The following ADAM12 variants were observed in gnomAD, a reference collection of about 807,000 sequenced individuals.
ADAM12 encodes disintegrin and metalloproteinase domain-containing protein 12.
ADAM12 carries 70 observed loss-of-function variants against 106.4 expected under a neutral mutation model. The ratio of observed to expected loss-of-function variants is 0.66; its 90% CI spans 0.54 to 0.80. ADAM12 has a LOEUF of 0.80. ADAM12 is among the 30% of genes least tolerant of loss of function. The probability of loss-of-function intolerance (pLI) is 0.00; values close to 1 mark genes in which losing one functional copy is unlikely to be tolerated. For missense variants in ADAM12, 1,010 were observed against 1,171.9 expected, an observed-to-expected ratio of 0.86 and a Z score of 2.02; for synonymous variants, 420 against 433.5, an observed-to-expected ratio of 0.97 and a Z score of 0.39.
At chr10:126,215,982 C>A (rs577488809) in intron 3 of ADAM12, among the ~76,000 whole-genome samples, 2 of 152,302 alleles carry the variant, frequency 1.3e-5, no homozygotes, top group African/African-American at 2.4e-5. Flanking sequence ...TAGCCATGAA[C>A]CCACCCCAGG....
intron 1 of ADAM12, among the ~76,000 whole-genome samples, chr10:126,361,650 G>A (rs1855750073): frequency 6.6e-6 from 1 of 152,134 alleles, no homozygotes; most frequent in African/African-American, 2.4e-5. Flanking sequence ...ACGGTCAATT[G>A]ATTTTTGACA....
rs1259441005 is a variant in ADAM12, at chr10:126,014,326, T to G, written c.*2953A>C. On this transcript the variant is annotated 3_prime_UTR_variant, in exon 23 of 23. Transcript: ENST00000448723. Reference sequence around the variant, plus strand: ...CAGTTTTAGCCGGTTTTTTTTTTTTTTTTTTTTTTTTGAGGATGCATTGAT... The same window carrying G: ...CAGTTTTAGCCGGTTTTTTTTTTTTGTTTTTTTTTTTGAGGATGCATTGAT... The G allele has an allele frequency of 2.7e-5, 4 of 147,708 alleles. No homozygotes were observed. The highest frequency in any genetic ancestry group is 7.5e-5 in the African/African-American group (3 of 39,834). The allele number at this position is 147,708 out of a possible 1,614,324, so 9.1% of individuals were successfully genotyped here. A position where few individuals can be genotyped will look rare whatever the true frequency, so the allele number is the denominator to read the frequency against.
chr10:126,338,505 GC>G (rs1222393703), intron 1 of ADAM12, among the ~76,000 whole-genome samples: 2 of 151,978 alleles, frequency 1.3e-5, no homozygotes, highest in Non-Finnish European at 2.9e-5. Context: ...GCCCGCCTCG[GC>G]CTCCCAAAGT....
At chr10:126,324,648 G>A (rs1854226795) in intron 2 of ADAM12, among the ~76,000 whole-genome samples, 2 of 152,156 alleles carry the variant, frequency 1.3e-5, no homozygotes, top group South Asian at 4.1e-4. Context: ...AGGATACTGG[G>A]CCAGTAGAGT....
At chr10:126,086,405 G>A (rs1424402935) in intron 11 of ADAM12, among the ~76,000 whole-genome samples, 2 of 150,308 alleles carry the variant, frequency 1.3e-5, no homozygotes, top group Non-Finnish European at 1.5e-5. Flanking sequence ...GCCAGGTGCG[G>A]TGGCTCACAC....
In ADAM12 at chr10:126,388,321, T is replaced by C. The variant is rs936262531; in HGVS notation, c.-176A>G. ...GCCGCTGAGCTCTTCTAGCCTTTCA[T>C]TTTTAAAAAAGTTTCCCCCCGTGTG... On this transcript the variant is annotated 5_prime_UTR_variant, in exon 1 of 23. An upstream start codon of the reference 5' UTR is lost. Transcript: ENST00000448723. The surrounding 1 kb of genome is among the most constrained non-coding windows in gnomAD (Gnocchi z 4.4). 9.7e-7 allele frequency: 1 copy of C among 1,027,090 alleles called. No individual in the cohort carries two copies. The highest frequency in any genetic ancestry group is 1.7e-5 in the African/African-American group (1 of 59,224). 63.6% of individuals were successfully genotyped at this position (1,027,090 alleles called of 1,614,324 possible). A position where few individuals can be genotyped will look rare whatever the true frequency, so the allele number is the denominator to read the frequency against.
chr10:126,086,683 ATATATATATAT>A (rs1565045793), intron 11 of ADAM12, among the ~76,000 whole-genome samples: 1 of 50,914 alleles, frequency 2.0e-5, no homozygotes, highest in African/African-American at 1.5e-4. Context: ...AAAAAAAAAT[ATATATATATAT>A]ATATATATAT....
chr10:126,122,028 G>A (rs1956125144), intron 5 of ADAM12, among the ~76,000 whole-genome samples: 1 of 152,116 alleles, frequency 6.6e-6, no homozygotes, highest in African/African-American at 2.4e-5. Context: ...AGGCAGCATC[G>A]AGATATCCGG....
chr10:126,293,695 T>G (rs1960252198), intron 2 of ADAM12, among the ~76,000 whole-genome samples: 1 of 152,050 alleles, frequency 6.6e-6, no homozygotes, highest in African/African-American at 2.4e-5. Flanking sequence ...ATTTTTGTTG[T>G]TTTTTAGTAC....
chr10:126,289,156 T>G (rs143798463), intron 2 of ADAM12, among the ~76,000 whole-genome samples: 3 of 152,162 alleles, frequency 2.0e-5, no homozygotes, highest in African/African-American at 4.8e-5. Flanking sequence ...GGGGGCTGGA[T>G]AGTGTGTTGA....
intron 21 of ADAM12, among the ~76,000 whole-genome samples, chr10:126,031,370 C>G (rs1282010406): frequency 6.6e-6 from 1 of 152,206 alleles, no homozygotes; most frequent in Non-Finnish European, 1.5e-5. Flanking sequence ...CCACACAGGT[C>G]CAGAAGGGCA....
intron 1 of ADAM12, among the ~76,000 whole-genome samples, chr10:126,339,680 G>C (rs1854848560): frequency 6.6e-6 from 1 of 151,996 alleles, no homozygotes; most frequent in African/African-American, 2.4e-5. Flanking sequence ...GTGCTTTGTG[G>C]GTTCCAGGAA....
chr10:126,386,366 A>G (rs989306931), intron 1 of ADAM12, among the ~76,000 whole-genome samples: 1 of 152,210 alleles, frequency 6.6e-6, no homozygotes, highest in African/African-American at 2.4e-5. Context: ...TTGCCAATGC[A>G]AAGAAATGTT....
intron 2 of ADAM12, among the ~76,000 whole-genome samples, chr10:126,284,511 C>T (rs1259208327): frequency 6.6e-6 from 1 of 152,016 alleles, no homozygotes; most frequent in Non-Finnish European, 1.5e-5. Flanking sequence ...GTCTTCTCAC[C>T]TCTACTATCT....
rs1958613695 is a variant in ADAM12, at chr10:126,245,603, C to T, written c.260+33312G>A. Among the ~76,000 whole-genome samples the T allele has an allele frequency of 2.6e-5, 4 of 152,114 alleles. No homozygotes were observed. The South Asian group carries it at 8.3e-4, about 32-fold the overall frequency. ...AGCCTAAAGAATCCAGACCCCAGGG[C>T]CAAGGACCAGGCACCCTGGCATCCA... is the stretch of plus-strand genomic sequence containing the variant. On this transcript the variant is annotated intron_variant, in intron 3 of 22. Coordinates refer to ENST00000448723, the MANE Select transcript of ADAM12 (RefSeq NM_001288973.2).
intron 3 of ADAM12, among the ~76,000 whole-genome samples, chr10:126,165,477 C>T (rs1316964238): frequency 3.9e-5 from 6 of 152,208 alleles, no homozygotes; most frequent in South Asian, 2.1e-4. Context: ...GCTTTTGATA[C>T]GCACTTCCTT....
intron 1 of ADAM12, among the ~76,000 whole-genome samples, chr10:126,375,423 C>T (rs550090095): frequency 2.0e-5 from 3 of 151,894 alleles, no homozygotes; most frequent in Non-Finnish European, 4.4e-5. Context: ...AAATTCTAGA[C>T]AATAATAAAA....
In ADAM12 at chr10:126,017,232, G is replaced by A. The variant is rs61863598; in HGVS notation, c.*47C>T. 2.5e-5 allele frequency: 38 copies of A among 1,493,594 alleles called. No homozygotes were observed. The East Asian group carries it at 7.6e-4, about 30-fold the overall frequency. The allele number at this position is 1,493,594 out of a possible 1,614,324, so 92.5% of individuals were successfully genotyped here. On this transcript the variant is annotated 3_prime_UTR_variant, in exon 23 of 23. Transcript: ENST00000448723. ...CAAAAAACTCCAACTGGAGCTGAAA[G>A]ATAGTGCAAACTTCTGTCTTCACTG...
rs572962237 is a variant in ADAM12 at position 126,237,591 on chromosome 10, T to C, written c.260+41324A>G. On this transcript the variant is annotated intron_variant, in intron 3 of 22. Transcript: ENST00000448723. ...ATTTTTGTCCTCCTCCTTCCCTTTT[T>C]CTTTCTACTTGGTTTTCATCTTTAT... Among the ~76,000 whole-genome samples, 17 of 152,340 alleles carry C rather than the reference T, an allele frequency of 1.1e-4. No homozygotes were observed. In the East Asian group the frequency reaches 3.1e-3, roughly 28 times the overall value.
Sources: allele counts gnomAD v4.1 joint callset (sites outside exome capture counted in the v4.1 genomes callset), GRCh38; gene constraint gnomAD v4.1.1; non-coding constraint Gnocchi (gnomAD v3.1); transcripts MANE v1.5; gene names NCBI Gene and HGNC (gene_info 2026-07-23, HGNC 2026-07-21).